Variants in EYS observed in about 807,000 individuals in gnomAD.
EYS encodes protein eyes shut homolog.
EYS carries 250 observed loss-of-function variants against 282.1 expected under a neutral mutation model. That is an observed-to-expected ratio of 0.89 (90% confidence interval 0.80 to 0.98). The LOEUF is 0.98. Ranked by LOEUF, EYS falls within the 50% of genes least tolerant of loss-of-function variation. EYS has a pLI of 0.00. For missense variants in EYS, 4,016 were observed against 3,709.0 expected (o/e 1.08, Z -2.15); for synonymous variants, 1,355 against 1,282.9 (o/e 1.06, Z -1.20).
chr6:65,459,613 G>C (rs1764744290), intron 5 of EYS, among the ~76,000 whole-genome samples: 1 of 150,816 alleles, frequency 6.6e-6, no homozygotes, highest in Admixed American at 6.7e-5. Context: ...AAGATGCTAA[G>C]GCAAGAAGTG....
chr6:64,628,030 A>G (rs957029351), intron 22 of EYS, among the ~76,000 whole-genome samples: 6 of 152,212 alleles, frequency 3.9e-5, no homozygotes, highest in African/African-American at 1.4e-4. Context: ...CAGTGAGCCC[A>G]GATCACGCCA....
At chr6:64,312,481 ACTACT>A (rs1047843712) in intron 29 of EYS, among the ~76,000 whole-genome samples, 9 of 152,292 alleles carry the variant, frequency 5.9e-5, no homozygotes, top group African/African-American at 2.2e-4. Flanking sequence ...TCCCTGACTG[ACTACT>A]CTAAAGAGAG....
At chr6:64,334,218 G>A (rs1284337117) in intron 29 of EYS, among the ~76,000 whole-genome samples, 1 of 152,052 alleles carries the variant, frequency 6.6e-6, no homozygotes, top group Non-Finnish European at 1.5e-5. Context: ...CAACTGTTTG[G>A]AGAGCACCTG....
At chr6:65,103,320 G>A (rs906211974) in intron 12 of EYS, among the ~76,000 whole-genome samples, 1 of 151,472 alleles carries the variant, frequency 6.6e-6, no homozygotes, top group African/African-American at 2.4e-5. Context: ...CTGGTGAGAA[G>A]ACACAGTACT....
chr6:64,118,654 G>C (rs550466547), intron 31 of EYS, among the ~76,000 whole-genome samples: 51 of 152,146 alleles, frequency 3.4e-4, no homozygotes, highest in African/African-American at 1.2e-3. Flanking sequence ...TAGCTCAAAA[G>C]CACAGGCAAC....
intron 22 of EYS, among the ~76,000 whole-genome samples, chr6:64,686,716 T>G (rs1770118831): frequency 7.0e-6 from 1 of 142,640 alleles, no homozygotes; most frequent in Non-Finnish European, 1.5e-5. Flanking sequence ...CACTCCAGCC[T>G]GGGCGACAGA....
At chr6:65,189,179 T>C (rs1017532324) in intron 12 of EYS, among the ~76,000 whole-genome samples, 1 of 151,656 alleles carries the variant, frequency 6.6e-6, no homozygotes, top group Non-Finnish European at 1.5e-5. Flanking sequence ...ATATTTATGA[T>C]AGTAATTTGC....
chr6:64,997,898 T>C (rs529193037), intron 13 of EYS, among the ~76,000 whole-genome samples, 195 bp from the exon 14 acceptor site: 1 of 152,142 alleles, frequency 6.6e-6, no homozygotes, highest in South Asian at 2.1e-4. Context: ...TCTATTTAAC[T>C]TAAAAAAAAA....
chr6:65,059,572 G>A (rs1773511561), intron 12 of EYS, among the ~76,000 whole-genome samples: 2 of 151,930 alleles, frequency 1.3e-5, no homozygotes, highest in South Asian at 4.1e-4. Flanking sequence ...GATAGTCTTG[G>A]GTTCCTAAAT....
chr6:65,682,291 G>T (rs1768853784), intron 1 of EYS, among the ~76,000 whole-genome samples: 1 of 151,882 alleles, frequency 6.6e-6, no homozygotes, highest in Non-Finnish European at 1.5e-5. Flanking sequence ...AGGGTTGCTA[G>T]CAAGTCTGTC....
chr6:65,657,764 GAA>G (rs964561196), intron 1 of EYS, among the ~76,000 whole-genome samples: 7 of 151,852 alleles, frequency 4.6e-5, no homozygotes. Flanking sequence ...CTCTAATTTT[GAA>G]AGAAGTTCTA....
At chr6:65,230,895 G>T (rs887134614) in intron 12 of EYS, among the ~76,000 whole-genome samples, 2 of 151,010 alleles carry the variant, frequency 1.3e-5, no homozygotes, top group East Asian at 3.9e-4. Flanking sequence ...GTGAAGTGAT[G>T]TTTTACTTTT....
At chr6:63,971,442 T>C (rs1404118339) in intron 35 of EYS, among the ~76,000 whole-genome samples, 1 of 152,214 alleles carries the variant, frequency 6.6e-6, no homozygotes, top group Non-Finnish European at 1.5e-5. Flanking sequence ...GATTATATAC[T>C]TCTAGATTAT....
At chr6:64,896,156 A>G (rs1767456073) in intron 18 of EYS, among the ~76,000 whole-genome samples, 1 of 152,208 alleles carries the variant, frequency 6.6e-6, no homozygotes, top group African/African-American at 2.4e-5. Context: ...ATGGCAGAAT[A>G]GGAATAGCTC....
At chr6:65,282,313 T>C (rs1011416661) in intron 12 of EYS, among the ~76,000 whole-genome samples, 3 of 152,162 alleles carry the variant, frequency 2.0e-5, no homozygotes, top group Non-Finnish European at 4.4e-5. Context: ...ATTCTATTTA[T>C]AAATCAAAAC....
At chr6:65,369,346 C>G (rs1265383683) in intron 8 of EYS, among the ~76,000 whole-genome samples, 1 of 134,466 alleles carries the variant, frequency 7.4e-6, no homozygotes, top group Non-Finnish European at 1.6e-5. Context: ...ATATATATAT[C>G]TCATTCTGAA....
chr6:64,825,077 ACCT>A (rs1053280437), intron 19 of EYS, among the ~76,000 whole-genome samples: 1 of 151,660 alleles, frequency 6.6e-6, no homozygotes, highest in African/African-American at 2.4e-5. Context: ...ACTTACATTG[ACCT>A]CCTTATATTT....
At chr6:64,201,105 A>G (rs35379774) in intron 31 of EYS, among the ~76,000 whole-genome samples, 46,783 of 152,008 alleles carry the variant, frequency 0.31, 7,308 homozygotes, top group East Asian at 0.5. Flanking sequence ...GTATTTTAGT[A>G]TAGGTTTTGC....
chr6:64,999,528 G>T (rs927349201), intron 13 of EYS, among the ~76,000 whole-genome samples: 1 of 152,162 alleles, frequency 6.6e-6, no homozygotes, highest in African/African-American at 2.4e-5. Context: ...ATGGATCTAC[G>T]TGAGGACGGC....
Sources: allele counts gnomAD v4.1 joint callset (sites outside exome capture counted in the v4.1 genomes callset), GRCh38; gene constraint gnomAD v4.1.1; transcripts MANE v1.5; gene names NCBI Gene and HGNC (gene_info 2026-07-23, HGNC 2026-07-21).